OXNAD1: variants seen among roughly 807,000 people sequenced by gnomAD.
The protein encoded by OXNAD1 is oxidoreductase NAD binding domain containing 1.
In OXNAD1, 34 loss-of-function variants were observed where a neutral mutation model predicts 32.9. The ratio of observed to expected loss-of-function variants is 1.03; its 90% CI spans 0.79 to 1.38. OXNAD1 has a LOEUF of 1.38. OXNAD1 is among the 40% of genes most tolerant of loss of function. The pLI, the probability that OXNAD1 is intolerant of heterozygous loss-of-function variation, is 0.00. For missense variants in OXNAD1, 407 were observed against 379.4 expected, an observed-to-expected ratio of 1.07 and a Z score of -0.60; for synonymous variants, 134 against 135.2, an observed-to-expected ratio of 0.99 and a Z score of 0.06.
In OXNAD1 at chr3:16,303,492, A is replaced by T. The variant is rs1480552900; in HGVS notation, c.869A>T (p.Asp290Val). 6.2e-7 allele frequency: 1 copy of T among 1,614,080 alleles called. No individual in the cohort carries two copies. The highest frequency in any genetic ancestry group is 1.1e-5 in the South Asian group (1 of 91,082). Residue 290 changes from aspartate (D) to valine (V), a missense_variant, in exon 9 of 9, where the codon GAC becomes GTC. Coordinates refer to ENST00000285083, the MANE Select transcript of OXNAD1 (RefSeq NM_138381.5). The surrounding 1 kb of genome is among the most constrained non-coding windows in gnomAD (Gnocchi z 4.8). ...ATTTGTGGCCCACCTCCAATGACAGACTTTTTCTCCAAGCAACTGGAAAAC... is the reference window on the plus strand; with the variant it reads ...ATTTGTGGCCCACCTCCAATGACAGTCTTTTTCTCCAAGCAACTGGAAAAC... ...FYICGPPPMT[D>V]FFSKQLENNH...
In OXNAD1 at chr3:16,298,551, T is replaced by G. The variant is rs751650471; in HGVS notation, c.433-3075T>G. On this transcript the variant is annotated intron_variant, in intron 6 of 8. Transcript: ENST00000285083. The surrounding 1 kb of genome is among the most constrained non-coding windows in gnomAD (Gnocchi z 5.1). ...GCAAACAGCCTTTATGAAGTCAGAT[T>G]TTTCTTGGAATCATTTTCAGGTGGC... 6.6e-6 allele frequency among the ~76,000 whole-genome samples: 1 copy of G among 152,108 alleles called. No homozygotes were observed. The highest frequency in any genetic ancestry group is 2.1e-4 in the South Asian group (1 of 4,822).
At position 16,316,608 on chromosome 3, in the gene OXNAD1, A is replaced by G; in HGVS notation, c.*30+13016A>G. 1 of 635,848 alleles carries G rather than the reference A, an allele frequency of 1.6e-6. No individual in the cohort carries two copies. The highest frequency in any genetic ancestry group is 2.8e-6 in the Non-Finnish European group (1 of 358,436). The allele number at this position is 635,848 out of a possible 1,614,324, so 39.4% of individuals were successfully genotyped here. On this transcript the variant is annotated intron_variant, in intron 9 of 9. Coordinates refer to the OXNAD1 transcript ENST00000435829. The surrounding 1 kb of genome is among the most constrained non-coding windows in gnomAD (Gnocchi z 4.5). The stretch of plus-strand genomic sequence containing the variant: ...AGAATAACCTGACCTCTTGCATTCT[A>G]ACACTGGGTCATTAATGACACCTTT...
intron 2 of OXNAD1, among the ~76,000 whole-genome samples, chr3:16,270,028 A>G (rs551869978): frequency 1.1e-3 from 163 of 152,348 alleles, no homozygotes; most frequent in Non-Finnish European, 2.0e-3. Flanking sequence ...TTAGAATTTG[A>G]AATGTTGAAG....
intron 9 of OXNAD1, chr3:16,326,947 T>C: frequency 1.7e-6 from 2 of 1,168,814 alleles, no homozygotes; most frequent in African/African-American, 1.5e-5. Flanking sequence ...GAGGGGACTA[T>C]TCAGTCTGCC....
At chr3:16,339,368 T>A (rs1034621755), downstream of OXNAD1, 3 of 152,284 alleles carry the variant, frequency 2.0e-5, no homozygotes, top group Non-Finnish European at 4.4e-5. Context: ...AGGACCCAGC[T>A]CTGATAGGGC....
rs375285108 is a variant in OXNAD1 at position 16,305,041 on chromosome 3, G to A, written c.*1479G>A. 1.8e-4 allele frequency: 27 copies of A among 152,330 alleles called. 1 individual carries two copies. The South Asian group carries it at 2.7e-3, about 15-fold the overall frequency. 9.4% of individuals were successfully genotyped at this position (152,330 alleles called of 1,614,324 possible). A position where few individuals can be genotyped will look rare whatever the true frequency, so the allele number is the denominator to read the frequency against. ...AGGAAATGGTCATTAGTACCTCAGA[G>A]GTGAAGGGAATATGTGAAGCTCTGG... On this transcript the variant is annotated 3_prime_UTR_variant, in exon 9 of 9. Coordinates refer to ENST00000285083, the MANE Select transcript of OXNAD1 (RefSeq NM_138381.5). This position sits in a 1 kb window ranked among gnomAD's most constrained non-coding sequence, Gnocchi z 4.5.
rs539965270 is a variant in OXNAD1 at position 16,346,718 on chromosome 3, A to G, written c.*31-2458A>G. 6.6e-6 allele frequency among the ~76,000 whole-genome samples: 1 copy of G among 152,316 alleles called. No homozygotes were observed. The highest frequency in any genetic ancestry group is 2.1e-4 in the South Asian group (1 of 4,818). ...TCTGGGAAAGCTTTTACTTGCTAAT[A>G]AAAAGGGACGTGTGGCAGGAAAAAA... On this transcript the variant is annotated intron_variant, in intron 9 of 9. Transcript: ENST00000606098. The surrounding 1 kb of genome is among the most constrained non-coding windows in gnomAD (Gnocchi z 4.4).
At chr3:16,332,830 T>C (rs954832176) in intron 9 of OXNAD1, among the ~76,000 whole-genome samples, 1 of 124,610 alleles carries the variant, frequency 8.0e-6, no homozygotes, top group Non-Finnish European at 1.7e-5. Flanking sequence ...CTTGTGGGCA[T>C]CGATTTATCT....
rs1034038143 is a variant in OXNAD1 at position 16,314,183 on chromosome 3, G to T, written c.*30+10591G>T. On this transcript the variant is annotated intron_variant, in intron 9 of 9. Coordinates refer to the OXNAD1 transcript ENST00000435829. The surrounding 1 kb of genome is among the most constrained non-coding windows in gnomAD (Gnocchi z 4.4). Reference sequence around the variant, plus strand: ...CACAAGCTTCCTCATGCCAAACCCTGTATGTCTTTGTGGCTTTTACTGTCC... The same window carrying T: ...CACAAGCTTCCTCATGCCAAACCCTTTATGTCTTTGTGGCTTTTACTGTCC... Among the ~76,000 whole-genome samples, 2 of 152,048 alleles carry T rather than the reference G, an allele frequency of 1.3e-5. No homozygotes were observed. Among genetic ancestry groups the T allele is most frequent in the African/African-American group, 4.8e-5 (2 of 41,390 alleles).
rs1307416940 is a variant in OXNAD1, at chr3:16,287,085, G to T, written c.290+637G>T. On this transcript the variant is annotated intron_variant, in intron 5 of 8. Transcript: ENST00000285083. This position sits in a 1 kb window ranked among gnomAD's most constrained non-coding sequence, Gnocchi z 4.8. ...CTCGGGACTGATCAGCATGCTGACT[G>T]GGTAACATTTCCTCCGAATGGGGCC... is the stretch of plus-strand genomic sequence containing the variant. Among the ~76,000 whole-genome samples the T allele has an allele frequency of 1.3e-5, 2 of 152,186 alleles. No homozygotes were observed. The highest frequency in any genetic ancestry group is 2.9e-5 in the Non-Finnish European group (2 of 68,048).
intron 6 of OXNAD1, 109 bp downstream of exon 6, chr3:16,295,106 G>T (rs2066691145): frequency 7.8e-7 from 1 of 1,280,132 alleles, no homozygotes; most frequent in African/African-American, 1.5e-5. Flanking sequence ...GAGTAAAAGG[G>T]TACATGCCCA....
At chr3:16,308,088 A>T (rs2067695195), downstream of OXNAD1, among the ~76,000 whole-genome samples, 1 of 152,222 alleles carries the variant, frequency 6.6e-6, no homozygotes, top group Admixed American at 6.5e-5. This position sits in a 1 kb window ranked among gnomAD's most constrained non-coding sequence, Gnocchi z 4.4. Context: ...CGTATAAGAC[A>T]AAGGTTATCT....
rs980632972 is a variant in OXNAD1, at chr3:16,289,401, A to AT, written c.290+2957dup. On this transcript the variant is annotated intron_variant, in intron 5 of 8. Transcript: ENST00000285083. This position sits in a 1 kb window ranked among gnomAD's most constrained non-coding sequence, Gnocchi z 4.9. ...TCCTGAGGGGAAGTAAGGCCAAAGC[A>AT]TTTTCACAGAGTGGAGGGAATTCCT... Among the ~76,000 whole-genome samples, 1 of 152,174 alleles carries AT rather than the reference A, an allele frequency of 6.6e-6. No homozygotes were observed. Among genetic ancestry groups the AT allele is most frequent in the African/African-American group, 2.4e-5 (1 of 41,438 alleles).
At position 16,297,521 on chromosome 3, in the gene OXNAD1, A is replaced by G. The variant is rs560406242; in HGVS notation, c.432+2524A>G. Among the ~76,000 whole-genome samples, 3 of 152,356 alleles carry G rather than the reference A, an allele frequency of 2.0e-5. No homozygotes were observed. Among genetic ancestry groups the G allele is most frequent in the East Asian group, 1.9e-4 (1 of 5,190 alleles). ...TGAGTGTCTTAGAGAAATGAAGGCT[A>G]TGTTTATATAAAAGCATAACATGAA... On this transcript the variant is annotated intron_variant, in intron 6 of 8. Coordinates refer to ENST00000285083, the MANE Select transcript of OXNAD1 (RefSeq NM_138381.5). This position sits in a 1 kb window ranked among gnomAD's most constrained non-coding sequence, Gnocchi z 4.3.
rs1230567748 is a variant in OXNAD1 at position 16,329,867 on chromosome 3, T to C, written c.*31-7245T>C. ...AGCCCTGAGTGGCAGAATGGAGTCC[T>C]TTTATTGGTGGCTGCATCTCGGGCC... On this transcript the variant is annotated intron_variant, in intron 9 of 9. Coordinates refer to the OXNAD1 transcript ENST00000435829. This position sits in a 1 kb window ranked among gnomAD's most constrained non-coding sequence, Gnocchi z 4.5. 6.6e-6 allele frequency among the ~76,000 whole-genome samples: 1 copy of C among 152,136 alleles called. No individual in the cohort carries two copies.
rs1217307870 is a variant in OXNAD1, at chr3:16,302,111, G to T, written c.675+243G>T. ...GGTTTTGGTGGGATGGAATCTGGAGGTTAAATGAACAGAAAAGTCACAAGG... is the reference window on the plus strand; with the variant it reads ...GGTTTTGGTGGGATGGAATCTGGAGTTTAAATGAACAGAAAAGTCACAAGG... On this transcript the variant is annotated intron_variant, in intron 7 of 8. Coordinates refer to ENST00000285083, the MANE Select transcript of OXNAD1 (RefSeq NM_138381.5). The surrounding 1 kb of genome is among the most constrained non-coding windows in gnomAD (Gnocchi z 4.2). 6.6e-6 allele frequency among the ~76,000 whole-genome samples: 1 copy of T among 152,172 alleles called. No homozygotes were observed. Among genetic ancestry groups the T allele is most frequent in the Non-Finnish European group, 1.5e-5 (1 of 68,030 alleles).
rs769461783 is a variant in OXNAD1, at chr3:16,335,350, T to C, written c.*31-1762T>C. 1.3e-5 allele frequency among the ~76,000 whole-genome samples: 2 copies of C among 152,156 alleles called. No homozygotes were observed. Among genetic ancestry groups the C allele is most frequent in the African/African-American group, 2.4e-5 (1 of 41,436 alleles). On this transcript the variant is annotated intron_variant, in intron 9 of 9. Coordinates refer to the OXNAD1 transcript ENST00000435829. The surrounding 1 kb of genome is among the most constrained non-coding windows in gnomAD (Gnocchi z 4.7). The stretch of plus-strand genomic sequence containing the variant: ...GGCTGAGTGGGAAGGAATCAGCCCT[T>C]GGACAATCCTGCATGGGAAACAGGC...
chr3:16,343,147 G>A (rs1347113820), intron 9 of OXNAD1, among the ~76,000 whole-genome samples: 1 of 152,180 alleles, frequency 6.6e-6, no homozygotes, highest in East Asian at 1.9e-4. Flanking sequence ...GCCAGAATGT[G>A]AATTTTTAAT....
At position 16,297,571 on chromosome 3, in the gene OXNAD1, T is replaced by G. The variant is rs182327391; in HGVS notation, c.432+2574T>G. 3.3e-5 allele frequency among the ~76,000 whole-genome samples: 5 copies of G among 152,326 alleles called. No individual in the cohort carries two copies. In the East Asian group the frequency reaches 9.6e-4, roughly 29 times the overall value. The stretch of plus-strand genomic sequence containing the variant: ...ATATTTATAGCAGTTCTATTCATAA[T>G]TATTAAAAACTTCTAGAAACAACCC... On this transcript the variant is annotated intron_variant, in intron 6 of 8. Transcript: ENST00000285083. The surrounding 1 kb of genome is among the most constrained non-coding windows in gnomAD (Gnocchi z 4.3).
Sources: gnomAD v4.1 joint callset for allele counts (sites outside exome capture counted in the v4.1 genomes callset) on GRCh38, gnomAD v4.1.1 for gene constraint, Gnocchi (gnomAD v3.1) non-coding constraint, MANE v1.5 for transcripts, NCBI Gene and HGNC (gene_info 2026-07-23, HGNC 2026-07-21) for gene names.